The following MYO15A variants were observed in gnomAD, a reference collection of about 807,000 sequenced individuals.
MYO15A encodes myosin XVA, also known as unconventional myosin-XV.
In MYO15A, 308 loss-of-function variants were observed where a neutral mutation model predicts 394.6. The ratio of observed to expected loss-of-function variants is 0.78; its 90% CI spans 0.71 to 0.86. MYO15A has a LOEUF of 0.86. MYO15A is among the 40% of genes least tolerant of loss of function. MYO15A has a pLI of 0.00. For synonymous variants in MYO15A, 1,957 were observed against 2,003.8 expected (o/e 0.98, Z 0.62); for missense variants, 4,606 against 4,799.1 (o/e 0.96, Z 1.19).
At position 18,171,731 on chromosome 17, in the gene MYO15A, A is replaced by G; in HGVS notation, c.10176A>G (p.Thr3392=). ...LNLVSQHRQQ[T]QALSPHQARA... ...TGGTCAGCCAGCACCGGCAGCAGACACAGGCGCTCAGCCCCCACCAGGCCC... is the reference window on the plus strand; with the variant it reads ...TGGTCAGCCAGCACCGGCAGCAGACGCAGGCGCTCAGCCCCCACCAGGCCC... The change falls in exon 63 of 66, where the codon ACA becomes ACG. Residue 3392 remains threonine, a synonymous_variant. Coordinates refer to ENST00000647165, the MANE Select transcript of MYO15A (RefSeq NM_016239.4). 6.2e-7 allele frequency: 1 copy of G among 1,612,540 alleles called. No individual in the cohort carries two copies. Among genetic ancestry groups the G allele is most frequent in the Non-Finnish European group, 8.5e-7 (1 of 1,179,984 alleles).
Position 18,119,386 on chromosome 17 carries a change from A to G in MYO15A, c.586A>G (p.Ile196Val), listed in dbSNP as rs745498400. ...CCGGAGGTTCCCCCGCAGCCGCAGCATCTACGCGTCAGGCGAGCCCCTGGG... is the reference window on the plus strand; with the variant it reads ...CCGGAGGTTCCCCCGCAGCCGCAGCGTCTACGCGTCAGGCGAGCCCCTGGG... ...RLRRFPRSRSIYASGEPLGFL... is the reference protein window; with the variant it reads ...RLRRFPRSRSVYASGEPLGFL... Residue 196 changes from isoleucine (I) to valine (V), a missense_variant, in exon 2 of 66, where the codon ATC becomes GTC. By Grantham distance (29) the Ile-to-Val change is conservative (BLOSUM62 3). This residue lies in a region of MYO15A where 1,830 missense variants were observed against 1,689.7 expected (regional missense o/e 1.08). Coordinates refer to ENST00000647165, the MANE Select transcript of MYO15A (RefSeq NM_016239.4). 1.9e-6 allele frequency: 3 copies of G among 1,610,984 alleles called. No homozygotes were observed. The highest frequency in any genetic ancestry group is 1.7e-5 in the Admixed American group (1 of 60,002).
intron 65 of MYO15A, among the ~76,000 whole-genome samples, chr17:18,174,504 T>A (rs1363965865): frequency 6.6e-6 from 1 of 152,118 alleles, no homozygotes; most frequent in African/African-American, 2.4e-5. Flanking sequence ...TTCAGGAGGC[T>A]GAGGCGGGAG....
chr17:18,152,196 AGGAGGGAG>A lies in MYO15A; in HGVS notation c.7966+19_7966+26del, dbSNP rs751836150. ...GGCACCCACTTCAGGTGAGAGGGCC[AGGAGGGAG>A]GGAGGGGAGGGTGTCCAAGTATATG... On this transcript the variant is annotated intron_variant, in intron 42 of 65. Coordinates refer to ENST00000647165, the MANE Select transcript of MYO15A (RefSeq NM_016239.4). 7.6e-7 allele frequency: 1 copy of A among 1,314,182 alleles called. No homozygotes were observed. The highest frequency in any genetic ancestry group is 3.0e-5 in the East Asian group (1 of 32,886). 81.4% of individuals were successfully genotyped at this position (1,314,182 alleles called of 1,614,324 possible). A position where few individuals can be genotyped will look rare whatever the true frequency, so the allele number is the denominator to read the frequency against.
chr17:18,136,615 A>C lies in MYO15A; in HGVS notation c.4708A>C (p.Arg1570=), dbSNP rs1158646858. The change falls in exon 15 of 66, where the codon AGG becomes CGG. Residue 1570 remains arginine, a synonymous_variant. Coordinates refer to ENST00000647165, the MANE Select transcript of MYO15A (RefSeq NM_016239.4). The part of the protein sequence containing the change: ...YALLFSWLIT[R]VNALVSPRQD... The stretch of plus-strand genomic sequence containing the variant: ...ACTGCTGTTCAGCTGGCTCATCACC[A>C]GGGTCAACGCGCTGGTGTCCCCAAG... 1.1e-5 allele frequency: 18 copies of C among 1,613,790 alleles called. No individual in the cohort carries two copies. Among genetic ancestry groups the C allele is most frequent in the Non-Finnish European group, 1.5e-5 (18 of 1,180,020 alleles).
At position 18,126,296 on chromosome 17, in the gene MYO15A, C is replaced by T. The variant is rs1387698484; in HGVS notation, c.3757-51C>T. ...GCTCCCAGCATAGGGGAGGGAGGGA[C>T]ATAGAGGTCTGCAAGGAGCCACGAC... On this transcript the variant is annotated intron_variant, in intron 4 of 65. Coordinates refer to ENST00000647165, the MANE Select transcript of MYO15A (RefSeq NM_016239.4). The T allele has an allele frequency of 2.8e-6, 4 of 1,431,338 alleles. No individual in the cohort carries two copies. The East Asian group carries it at 6.8e-5, about 24-fold the overall frequency. The allele number at this position is 1,431,338 out of a possible 1,614,324, so 88.7% of individuals were successfully genotyped here.
chr17:18,137,434 T>G (rs1452088988), intron 15 of MYO15A, 150 bp from the exon 16 acceptor site: 26 of 705,052 alleles, frequency 3.7e-5, no homozygotes, highest in South Asian at 3.5e-4. Context: ...TGTCAGATTC[T>G]GTCCTGGGTG....
At chr17:18,139,252 C>T (rs2046334896) in intron 18 of MYO15A, 1 of 604,518 alleles carries the variant, frequency 1.7e-6, no homozygotes, top group Non-Finnish European at 3.0e-6. Flanking sequence ...CACATTCCTG[C>T]CCTGGAGGTG....
chr17:18,159,335 G>A lies in MYO15A; in HGVS notation c.9217G>A (p.Asp3073Asn), dbSNP rs1246618493. Residue 3073 changes from aspartate (D) to asparagine (N), a missense_variant, in exon 54 of 66, where the codon GAC (aspartate) becomes AAC (asparagine). Asp to Asn is a conservative substitution (Grantham distance 23, BLOSUM62 1). Coordinates refer to ENST00000647165, the MANE Select transcript of MYO15A (RefSeq NM_016239.4). ...CAGCAGCCTCAGCAAGATGGCCACC[G>A]ACATGTTCCTAGGTGTGGGAGTGGG... ...SDSSLSKMAT[D>N]MFLAVMRFMG... The A allele has an allele frequency of 8.7e-6, 14 of 1,614,038 alleles. No homozygotes were observed. The highest frequency in any genetic ancestry group is 1.1e-5 in the Non-Finnish European group (13 of 1,180,028).
At position 18,178,845 on chromosome 17, in the gene MYO15A, C is replaced by T. The variant is rs1333156744; in HGVS notation, c.10568C>T (p.Pro3523Leu). ...LSAHEKRLTLPPSEITLL is the reference protein window; with the variant it reads ...LSAHEKRLTLLPSEITLL ...GCCCATGAGAAGCGGCTCACATTGC[C>T]CCCCAGCGAGATCACCCTGCTCTGA... is the stretch of plus-strand genomic sequence containing the variant. Residue 3523 changes from proline to leucine, a missense_variant, in exon 66 of 66, where the codon CCC becomes CTC. Pro to Leu is a moderately conservative substitution (Grantham distance 98). Around this residue, in one of 2 missense-constraint regions of MYO15A, gnomAD observed 2,776 missense variants for 3,109.3 expected, o/e 0.89. Transcript: ENST00000647165. The T allele has an allele frequency of 1.2e-6, 2 of 1,613,582 alleles. No homozygotes were observed. The highest frequency in any genetic ancestry group is 1.7e-5 in the Admixed American group (1 of 60,018).
chr17:18,121,874 C>G lies in MYO15A; in HGVS notation c.3074C>G (p.Ala1025Gly). 6.2e-7 allele frequency: 1 copy of G among 1,612,970 alleles called. No individual in the cohort carries two copies. The highest frequency in any genetic ancestry group is 8.5e-7 in the Non-Finnish European group (1 of 1,179,932). The change falls in exon 2 of 66, where the codon GCA becomes GGA. Residue 1025 changes from alanine to glycine, a missense_variant. This residue lies in a region of MYO15A where 1,830 missense variants were observed against 1,689.7 expected (regional missense o/e 1.08). Coordinates refer to ENST00000647165, the MANE Select transcript of MYO15A (RefSeq NM_016239.4). The surrounding 1 kb of genome is among the most constrained non-coding windows in gnomAD (Gnocchi z 5.3). Reference protein sequence around the residue: ...EATLGDPQLPAETKPPTPAPP... With the variant: ...EATLGDPQLPGETKPPTPAPP... ...ACCCTGGGGGACCCCCAGCTGCCAG[C>G]AGAGACCAAGCCTCCAACCCCAGCA...
At chr17:18,159,191 T>C (rs2046736684) in intron 53 of MYO15A, 84 bp from the exon 54 acceptor site, 4 of 1,530,044 alleles carry the variant, frequency 2.6e-6, no homozygotes, top group Admixed American at 1.7e-5. Context: ...CCTCCTGTTA[T>C]CATATGGCCT....
rs979317256 is a variant in MYO15A, at chr17:18,154,120, C to T, written c.8089-11C>T. ...AGTCGGACAGTACCCACTGAAGCCC[C>T]GCCCCTGCAGGTGTTTTACCCCAAG... On this transcript the variant is annotated splice_polypyrimidine_tract_variant and intron_variant, in intron 43 of 65. Transcript: ENST00000647165. 2.5e-6 allele frequency: 4 copies of T among 1,613,800 alleles called. No homozygotes were observed. In the African/African-American group the frequency reaches 5.3e-5, roughly 22 times the overall value.
At position 18,159,672 on chromosome 17, in the gene MYO15A, T is replaced by G; in HGVS notation, c.9296T>G (p.Leu3099Arg). ...AGTGACCTGGACGTGCTTTGTAACCTCCTGAAGGTCAGTCCAGCCAACTTT... is the reference window on the plus strand; with the variant it reads ...AGTGACCTGGACGTGCTTTGTAACCGCCTGAAGGTCAGTCCAGCCAACTTT... Reference protein sequence around the residue: ...GQSDLDVLCNLLKLCGDHEVM... With the variant: ...GQSDLDVLCNRLKLCGDHEVM... Residue 3099 changes from leucine (L) to arginine (R), a missense_variant, in exon 55 of 66, where the codon CTC (leucine) becomes CGC (arginine). Transcript: ENST00000647165. 1 of 1,614,110 alleles carries G rather than the reference T, an allele frequency of 6.2e-7. No homozygotes were observed. The highest frequency in any genetic ancestry group is 8.5e-7 in the Non-Finnish European group (1 of 1,180,006).
rs1053049562 is a variant in MYO15A at position 18,172,066 on chromosome 17, C to T, written c.10217-91C>T. The stretch of plus-strand genomic sequence containing the variant: ...ACCAAGGGCTTCTGCACTGGCTGGA[C>T]ACAGCCCAGAGAAGCTATGCAGTTC... On this transcript the variant is annotated intron_variant, in intron 63 of 65. Transcript: ENST00000647165. 2.2e-5 allele frequency: 35 copies of T among 1,603,550 alleles called. No homozygotes were observed. In the Admixed American group the frequency reaches 4.5e-4, roughly 21 times the overall value.
intron 61 of MYO15A, among the ~76,000 whole-genome samples, chr17:18,167,184 C>G (rs982249431): frequency 6.6e-6 from 1 of 152,236 alleles, no homozygotes; most frequent in Non-Finnish European, 1.5e-5. Flanking sequence ...GAGGCAAATC[C>G]TCAAGTCCCG....
chr17:18,157,136 GA>G lies in MYO15A; in HGVS notation c.8714-19del. 6.2e-7 allele frequency: 1 copy of G among 1,610,776 alleles called. No homozygotes were observed. The highest frequency in any genetic ancestry group is 8.5e-7 in the Non-Finnish European group (1 of 1,178,494). On this transcript the variant is annotated intron_variant, in intron 49 of 65. Transcript: ENST00000647165. ...CAAGGGGGCCTCCCTGGCAGATGCT[GA>G]CCCGAGCCTGGCCCATAGGCTACAG...
At chr17:18,136,977 G>A (rs2046291019) in intron 15 of MYO15A, among the ~76,000 whole-genome samples, 1 of 152,258 alleles carries the variant, frequency 6.6e-6, no homozygotes. Context: ...GGTGGGGAAG[G>A]CTTCCTGGAT....
Position 18,118,889 on chromosome 17 carries a change from T to G in MYO15A, c.89T>G (p.Leu30Arg). ...GAGCCGGAGAAGCCCAAACGGAGCC[T>G]GAAGGGGACGTCGCGGCTGTTCATG... ...APEPEKPKRS[L>R]KGTSRLFMGF... The change falls in exon 2 of 66, where the codon CTG becomes CGG. Residue 30 changes from leucine to arginine, a missense_variant. By Grantham distance (102) the Leu-to-Arg change is moderately radical. Transcript: ENST00000647165. The G allele has an allele frequency of 6.2e-7, 1 of 1,613,762 alleles. No homozygotes were observed. The highest frequency in any genetic ancestry group is 8.5e-7 in the Non-Finnish European group (1 of 1,179,938).
intron 56 of MYO15A, 189 bp from the exon 57 acceptor site, chr17:18,161,128 C>A: frequency 1.1e-6 from 1 of 927,810 alleles, no homozygotes; most frequent in African/African-American, 1.6e-5. Context: ...CCATCCCCTT[C>A]TGTCCCTATC....
Sources: allele counts gnomAD v4.1 joint callset (sites outside exome capture counted in the v4.1 genomes callset), GRCh38; gene constraint gnomAD v4.1.1; regional missense constraint gnomAD v4.1.1; non-coding constraint Gnocchi (gnomAD v3.1); transcripts MANE v1.5; gene names NCBI Gene and HGNC (gene_info 2026-07-23, HGNC 2026-07-21).